The following CENPE variants were observed in gnomAD, a reference collection of about 807,000 sequenced individuals.
CENPE encodes the protein centromere-associated protein E.
CENPE carries 145 observed loss-of-function variants against 336.1 expected under a neutral mutation model. The ratio of observed to expected loss-of-function variants is 0.43; its 90% CI spans 0.38 to 0.50. CENPE has a LOEUF of 0.50. Among genes scored for constraint, CENPE ranks in the 20% least tolerant of loss-of-function variants. The pLI, the probability that CENPE is intolerant of heterozygous loss-of-function variation, is 0.00. For missense variants in CENPE, 2,719 were observed against 3,023.3 expected (o/e 0.90, Z 2.36); for synonymous variants, 1,013 against 984.8 (o/e 1.03, Z -0.54).
intron 42 of CENPE, among the ~76,000 whole-genome samples, chr4:103,132,349 T>C (rs1026881991): frequency 6.6e-6 from 1 of 152,122 alleles, no homozygotes; most frequent in East Asian, 1.9e-4. Context: ...TTGCTGCCCA[T>C]AGCTTGAAAC....
intron 24 of CENPE, among the ~76,000 whole-genome samples, chr4:103,157,710 A>C (rs1754074497): frequency 6.6e-6 from 1 of 151,956 alleles, no homozygotes; most frequent in African/African-American, 2.4e-5. Flanking sequence ...AAAATGGTTA[A>C]GGTGGTAAAT....
At chr4:103,185,308 A>G (rs935359275) in intron 9 of CENPE, among the ~76,000 whole-genome samples, 11 of 146,880 alleles carry the variant, frequency 7.5e-5, no homozygotes, top group African/African-American at 2.8e-4. Context: ...CTGCCTTAGA[A>G]AAAAAAAAAA....
intron 1 of CENPE, among the ~76,000 whole-genome samples, chr4:103,197,583 TCACA>T (rs1326523084): frequency 1.3e-5 from 2 of 152,250 alleles, no homozygotes; most frequent in South Asian, 2.1e-4. Flanking sequence ...TAAAAATTTC[TCACA>T]CACACAAAGT....
intron 28 of CENPE, among the ~76,000 whole-genome samples, chr4:103,148,523 T>C (rs537119666): frequency 2.0e-5 from 3 of 152,388 alleles, no homozygotes; most frequent in African/African-American, 7.2e-5. Flanking sequence ...AGGCTTTTAA[T>C]ACAGGTTGGC....
At chr4:103,179,818 C>G (rs2126016954) in intron 13 of CENPE, among the ~76,000 whole-genome samples, 1 of 152,164 alleles carries the variant, frequency 6.6e-6, no homozygotes, top group South Asian at 2.1e-4. Flanking sequence ...CCCTCACACC[C>G]CAAAAAGTCT....
At chr4:103,115,119 C>T (rs948000388) in intron 45 of CENPE, among the ~76,000 whole-genome samples, 2 of 151,796 alleles carry the variant, frequency 1.3e-5, no homozygotes, top group African/African-American at 4.8e-5. Flanking sequence ...TCTGCTGACC[C>T]TATTCTTTAC....
chr4:103,182,890 C>T lies in CENPE; in HGVS notation c.835G>A (p.Gly279Ser), dbSNP rs375174075. 2 of 1,610,930 alleles carry T rather than the reference C, an allele frequency of 1.2e-6. No homozygotes were observed. The highest frequency in any genetic ancestry group is 1.7e-6 in the Non-Finnish European group (2 of 1,178,660). ...IKKLSDGQVG[G>S]FINYRDSKLT... Reference sequence around the variant, plus strand: ...TTGCTATCTCGATAATTTATGAAACCACTTAGCAAGGAATAAGTTTACAGG... The same window carrying T: ...TTGCTATCTCGATAATTTATGAAACTACTTAGCAAGGAATAAGTTTACAGG... Residue 279 changes from glycine (G) to serine (S), a missense_variant and splice_region_variant, in exon 11 of 49, where the codon GGT becomes AGT. This residue lies in a region of CENPE where 117 missense variants were observed against 215.8 expected (regional missense o/e 0.54). Transcript: ENST00000265148.
At chr4:103,158,538 T>A in intron 23 of CENPE, 76 bp downstream of exon 23, 1 of 1,511,696 alleles carries the variant, frequency 6.6e-7, no homozygotes. Flanking sequence ...AACATAATCA[T>A]AAATAATAAA....
chr4:103,172,885 A>G (rs769546735), intron 16 of CENPE, among the ~76,000 whole-genome samples: 1 of 152,026 alleles, frequency 6.6e-6, no homozygotes. Context: ...ATGGGAAGAT[A>G]TGCATGTTCA....
chr4:103,143,323 A>G lies in CENPE; in HGVS notation c.5229T>C (p.Ile1743=). 1 of 1,606,054 alleles carries G rather than the reference A, an allele frequency of 6.2e-7. No individual in the cohort carries two copies. The change falls in exon 34 of 49, where the codon ATT becomes ATC. Residue 1743 remains isoleucine, a synonymous_variant. Transcript: ENST00000265148. ...HQETIDKLRG[I]VSEKTNEISN... ...ATATTTCATTTGTTTTCTCTGAAAC[A>G]ATCCCTCTTAGTTTATCAATAGTTT...
At chr4:103,180,620 C>A (rs758488492) in intron 12 of CENPE, 151 bp from the exon 13 acceptor site, 2 of 529,760 alleles carry the variant, frequency 3.8e-6, no homozygotes, top group Non-Finnish European at 6.4e-6. Flanking sequence ...CTGTAGAACA[C>A]CAAAATGCAG....
In CENPE at chr4:103,138,452, GC is replaced by G. The variant is rs1313736084; in HGVS notation, c.6205-4del. 1.6e-5 allele frequency: 26 copies of G among 1,608,530 alleles called. No individual in the cohort carries two copies. The highest frequency in any genetic ancestry group is 2.1e-5 in the Non-Finnish European group (25 of 1,175,132). On this transcript the variant is annotated splice_polypyrimidine_tract_variant and splice_region_variant and intron_variant, in intron 38 of 48. Coordinates refer to ENST00000265148, the MANE Select transcript of CENPE (RefSeq NM_001813.3). ...TTTACTTGGTGGTTCTGTCGGTCCTGCTTTGGTAAAAAGAAAATAAACAGGG... is the reference window on the plus strand; with the variant it reads ...TTTACTTGGTGGTTCTGTCGGTCCTGTTTGGTAAAAAGAAAATAAACAGGG...
chr4:103,178,963 A>C (rs1221465069), intron 13 of CENPE, among the ~76,000 whole-genome samples: 1 of 152,154 alleles, frequency 6.6e-6, no homozygotes, highest in Non-Finnish European at 1.5e-5. Context: ...TCTACCTCAT[A>C]TTCACACATT....
chr4:103,136,145 A>T lies in CENPE; in HGVS notation c.6518T>A (p.Leu2173Gln). The T allele has an allele frequency of 6.2e-7, 1 of 1,609,528 alleles. No individual in the cohort carries two copies. Among genetic ancestry groups the T allele is most frequent in the East Asian group, 2.2e-5 (1 of 44,788 alleles). The stretch of plus-strand genomic sequence containing the variant: ...TATTACTAAAAAAGATGGTACCTTC[A>T]GTTTCTTCATGATTCTGTGGAATTC... ...SMEFHRIMKK[L>Q]KYVLSYVTKI... The change falls in exon 40 of 49, where the codon CTG (leucine) becomes CAG (glutamine). Residue 2173 changes from leucine to glutamine, a missense_variant. By Grantham distance (113) the Leu-to-Gln change is moderately radical. This residue lies in a region of CENPE where 2,437 missense variants were observed against 2,513.3 expected (regional missense o/e 0.97). Transcript: ENST00000265148.
Position 103,153,263 on chromosome 4 carries a change from C to G in CENPE, c.3034-13G>C. On this transcript the variant is annotated splice_polypyrimidine_tract_variant and intron_variant, in intron 24 of 48. Coordinates refer to ENST00000265148, the MANE Select transcript of CENPE (RefSeq NM_001813.3). ...CTATGCCAACCATCTAAAACATAAA[C>G]ACATTACAGAAGAATTTCTTAAGTA... is the stretch of plus-strand genomic sequence containing the variant. 2 of 1,558,068 alleles carry G rather than the reference C, an allele frequency of 1.3e-6. No homozygotes were observed. The highest frequency in any genetic ancestry group is 3.8e-5 in the Admixed American group (2 of 52,562).
chr4:103,124,381 T>A (rs912842408), intron 42 of CENPE, among the ~76,000 whole-genome samples: 1 of 152,214 alleles, frequency 6.6e-6, no homozygotes, highest in Non-Finnish European at 1.5e-5. Flanking sequence ...GGATTCATAT[T>A]GATCTGCAAG....
At chr4:103,190,318 A>G (rs1163638775) in intron 8 of CENPE, among the ~76,000 whole-genome samples, 3 of 152,226 alleles carry the variant, frequency 2.0e-5, no homozygotes, top group Non-Finnish European at 2.9e-5. Flanking sequence ...GAACCAAAAA[A>G]GAGCCCGCAT....
intron 43 of CENPE, 54 bp from the exon 44 acceptor site, chr4:103,120,387 ATAGAAATT>A: frequency 7.0e-7 from 1 of 1,437,504 alleles, no homozygotes; most frequent in African/African-American, 1.4e-5. Context: ...GAATCACAGT[ATAGAAATT>A]TGAGACAGAG....
intron 24 of CENPE, among the ~76,000 whole-genome samples, chr4:103,155,429 G>A (rs890863634): frequency 2.0e-5 from 3 of 152,154 alleles, no homozygotes; most frequent in South Asian, 2.1e-4. Flanking sequence ...TCCTACCTCA[G>A]CCTCCTGAGT....
Sources: allele counts gnomAD v4.1 joint callset (sites outside exome capture counted in the v4.1 genomes callset), GRCh38; gene constraint gnomAD v4.1.1; regional missense constraint gnomAD v4.1.1; transcripts MANE v1.5; gene names NCBI Gene and HGNC (gene_info 2026-07-23, HGNC 2026-07-21).